Variants in AARSD1 observed in about 807,000 individuals in gnomAD.
AARSD1 encodes the protein alanyl-tRNA editing protein Aarsd1.
In AARSD1, 44 loss-of-function variants were observed where a neutral mutation model predicts 48.7. The observed-to-expected ratio is 0.90, with a 90% confidence interval of 0.71 to 1.16. The LOEUF is 1.16. Ranked by LOEUF, AARSD1 falls within the 50% of genes most tolerant of loss-of-function variation. AARSD1 has a pLI of 0.00. For missense variants in AARSD1, 511 were observed against 523.1 expected (o/e 0.98, Z 0.23); for synonymous variants, 189 against 194.9 (o/e 0.97, Z 0.25).
At chr17:42,958,602 G>A (rs953031879) in intron 3 of AARSD1, among the ~76,000 whole-genome samples, 2 of 149,172 alleles carry the variant, frequency 1.3e-5, no homozygotes, top group East Asian at 2.0e-4. Context: ...ATGGAGTATC[G>A]CTCTGTCACC....
At position 42,961,324 on chromosome 17, in the gene AARSD1, T is replaced by C. The variant is rs148513309; in HGVS notation, c.199A>G (p.Ile67Val). Residue 67 changes from isoleucine to valine, a missense_variant, in exon 3 of 12, where the codon ATC becomes GTC. By Grantham distance (29) the Ile-to-Val change is conservative (BLOSUM62 3). Coordinates refer to ENST00000427569, the MANE Select transcript of AARSD1 (RefSeq NM_001261434.2). The part of the protein sequence containing the change: ...QPDDRGTIND[I>V]SVLRVTRRGE... ...CGGCGAGTCACTCTCAGCACAGAGATGTCATTGATTGTACCACGGTCATCA... is the reference window on the plus strand; with the variant it reads ...CGGCGAGTCACTCTCAGCACAGAGACGTCATTGATTGTACCACGGTCATCA... 1.5e-5 allele frequency: 25 copies of C among 1,613,956 alleles called. No homozygotes were observed. Among genetic ancestry groups the C allele is most frequent in the South Asian group, 7.7e-5 (7 of 91,078 alleles).
chr17:42,955,403 C>T (rs567333214), intron 7 of AARSD1, 179 bp from the exon 8 acceptor site: 6 of 575,148 alleles, frequency 1.0e-5, no homozygotes, highest in South Asian at 6.4e-5. Context: ...AACCACTTTT[C>T]GTGGTTCTGA....
At chr17:42,956,902 C>T (rs1372515733) in intron 4 of AARSD1, among the ~76,000 whole-genome samples, 10 of 147,152 alleles carry the variant, frequency 6.8e-5, no homozygotes, top group Admixed American at 1.4e-4. Flanking sequence ...CTCCTGACCT[C>T]GTGATCCGCC....
Position 42,955,942 on chromosome 17 carries a change from T to C in AARSD1, c.694A>G (p.Lys232Glu). 2.5e-6 allele frequency: 4 copies of C among 1,614,100 alleles called. No homozygotes were observed. Among genetic ancestry groups the C allele is most frequent in the Non-Finnish European group, 3.4e-6 (4 of 1,180,026 alleles). Residue 232 changes from lysine to glutamate, a missense_variant, in exon 7 of 12, where the codon AAA becomes GAA. By Grantham distance (56) the Lys-to-Glu change is moderately conservative. Transcript: ENST00000427569. ...AATATCAGGTTGGTTCTGTTCTTTT[T>C]CCCCTTCTCAGTGCCCAGAATCTTA... ...VIKILGTEKG[K>E]KNRTNLIFLS...
chr17:42,958,160 C>A (rs1257646257), intron 3 of AARSD1, among the ~76,000 whole-genome samples: 3 of 152,058 alleles, frequency 2.0e-5, no homozygotes, highest in Non-Finnish European at 4.4e-5. Context: ...CTACAGGAAG[C>A]CTCTGAAGAG....
chr17:42,955,751 A>G, intron 7 of AARSD1, 91 bp downstream of exon 7: 1 of 1,578,486 alleles, frequency 6.3e-7, no homozygotes, highest in Admixed American at 1.7e-5. Flanking sequence ...GCACTTTATC[A>G]TTTACGATTG....
At chr17:42,963,422 G>GAAAGA (rs1172684895) in intron 2 of AARSD1, among the ~76,000 whole-genome samples, 2 of 150,872 alleles carry the variant, frequency 1.3e-5, no homozygotes, top group Non-Finnish European at 3.0e-5. Flanking sequence ...AAGAAAGAAA[G>GAAAGA]AAAGAAAAGA....
Position 42,964,411 on chromosome 17 carries a change from A to G in AARSD1, c.30T>C (p.Tyr10=), listed in dbSNP as rs2049685379. The change falls in exon 1 of 12, where the codon TAT becomes TAC. Residue 10 remains tyrosine, a synonymous_variant. Coordinates refer to ENST00000427569, the MANE Select transcript of AARSD1 (RefSeq NM_001261434.2). ...CGCCGTGACGCCGTACCTCTCGGGC[A>G]TAACTGTCACGCTGACACCAGAACG... MAFWCQRDS[Y]AREFTTTVVS... 2 of 1,551,306 alleles carry G rather than the reference A, an allele frequency of 1.3e-6. No homozygotes were observed. The highest frequency in any genetic ancestry group is 1.2e-5 in the South Asian group (1 of 84,332).
chr17:42,953,526 G>C (rs1252985078), intron 10 of AARSD1, among the ~76,000 whole-genome samples, 198 bp downstream of exon 10: 1 of 152,194 alleles, frequency 6.6e-6, no homozygotes, highest in African/African-American at 2.4e-5. Flanking sequence ...CCCAGAGAGA[G>C]CAATAACATA....
At chr17:42,953,685 C>T in intron 10 of AARSD1, 39 bp downstream of exon 10, 15 of 1,614,080 alleles carry the variant, frequency 9.3e-6, no homozygotes, top group Non-Finnish European at 1.2e-5. Context: ...CCCTAGGTCT[C>T]TATCCAGGCC....
chr17:42,961,259 A>G lies in AARSD1; in HGVS notation c.264T>C (p.Asp88=). Residue 88 remains aspartate, a synonymous_variant, in exon 3 of 12, where the codon GAT becomes GAC. Transcript: ENST00000427569. ...CCCGGACCAGAACCTGGCTTCCTGG[A>G]TCCAGGGGTGTCTGGGTGAAATGAT... ...QADHFTQTPL[D]PGSQVLVRVD... 6.2e-7 allele frequency: 1 copy of G among 1,614,132 alleles called. No individual in the cohort carries two copies. Among genetic ancestry groups the G allele is most frequent in the South Asian group, 1.1e-5 (1 of 91,072 alleles).
chr17:42,955,039 TCA>T, intron 8 of AARSD1, 72 bp from the exon 9 acceptor site: 1 of 1,610,692 alleles, frequency 6.2e-7, no homozygotes, highest in Non-Finnish European at 8.5e-7. Context: ...TCCCTCCACC[TCA>T]TTCTCCCCTC....
At chr17:42,953,208 G>C (rs1392203226) in intron 10 of AARSD1, among the ~76,000 whole-genome samples, 2 of 151,932 alleles carry the variant, frequency 1.3e-5, no homozygotes, top group Non-Finnish European at 2.9e-5. Context: ...TCGAACTCCT[G>C]AGCTGAGGCA....
At position 42,951,877 on chromosome 17, in the gene AARSD1, T is replaced by G; in HGVS notation, c.1026A>C (p.Leu342Phe). 1 of 1,614,086 alleles carries G rather than the reference T, an allele frequency of 6.2e-7. No individual in the cohort carries two copies. Among genetic ancestry groups the G allele is most frequent in the Non-Finnish European group, 8.5e-7 (1 of 1,180,002 alleles). Residue 342 changes from leucine (L) to phenylalanine (F), a missense_variant, in exon 11 of 12, where the codon TTA (leucine) becomes TTC (phenylalanine). Coordinates refer to ENST00000427569, the MANE Select transcript of AARSD1 (RefSeq NM_001261434.2). ...CACCACCTTTCTCATCGCCCACAGT[T>G]AAGAACAGGAGGGTCTCCTAGGAGG... ...EIGSEETLLFLTVGDEKGGGL... is the reference protein window; with the variant it reads ...EIGSEETLLFFTVGDEKGGGL...
At chr17:42,952,418 G>C (rs928551900) in intron 10 of AARSD1, among the ~76,000 whole-genome samples, 5 of 152,262 alleles carry the variant, frequency 3.3e-5, no homozygotes, top group Non-Finnish European at 7.3e-5. Flanking sequence ...AGCTTCTTGA[G>C]AATCAGTTCT....
chr17:42,955,778 G>A (rs972475001), intron 7 of AARSD1, 64 bp downstream of exon 7: 10 of 1,605,872 alleles, frequency 6.2e-6, no homozygotes, highest in Non-Finnish European at 6.8e-6. Context: ...ATCTCCCAGA[G>A]GTAAGAGATT....
rs141909920 is a variant in AARSD1, at chr17:42,952,883, G to A, written c.1008+841C>T. Among the ~76,000 whole-genome samples, 307 of 149,290 alleles carry A rather than the reference G, an allele frequency of 2.1e-3. 1 individual carries two copies. Among genetic ancestry groups the A allele is most frequent in the Middle Eastern group, 0.01 (3 of 286 alleles). ...GGCTGGAGTGCAGTGGCGCAATCTC[G>A]GCTCACTGCAACCTCAGCCTCCAGG... On this transcript the variant is annotated intron_variant, in intron 10 of 11. Transcript: ENST00000427569.
rs747316346 is a variant in AARSD1 at position 42,950,693 on chromosome 17, T to C, written c.1139A>G (p.Lys380Arg). The C allele has an allele frequency of 6.2e-7, 1 of 1,613,964 alleles. No individual in the cohort carries two copies. The part of the protein sequence containing the change: ...AEVLEGKGAG[K>R]KGRFQGKATK... ...GGCCTTGCCCTGAAAACGGCCTTTC[T>C]TCCCTGCTCCTTTGCCTTCCAGGAC... is the stretch of plus-strand genomic sequence containing the variant. The change falls in exon 12 of 12, where the codon AAG becomes AGG. Residue 380 changes from lysine (K) to arginine (R), a missense_variant. Lys to Arg is a conservative substitution (Grantham distance 26, BLOSUM62 2). Coordinates refer to ENST00000427569, the MANE Select transcript of AARSD1 (RefSeq NM_001261434.2).
chr17:42,961,172 TC>T lies in AARSD1; in HGVS notation c.331+19del, dbSNP rs780831379. ...ACATGGCAACTGCTCCGGTGTTATG[TC>T]CCCCATCCCAGCCTTTACCTGAATG... On this transcript the variant is annotated intron_variant, in intron 3 of 11. Coordinates refer to ENST00000427569, the MANE Select transcript of AARSD1 (RefSeq NM_001261434.2). 1 of 1,598,628 alleles carries T rather than the reference TC, an allele frequency of 6.3e-7. No homozygotes were observed. The highest frequency in any genetic ancestry group is 1.7e-5 in the Admixed American group (1 of 57,572).
Sources: allele counts gnomAD v4.1 joint callset (sites outside exome capture counted in the v4.1 genomes callset), GRCh38; gene constraint gnomAD v4.1.1; transcripts MANE v1.5; gene names NCBI Gene and HGNC (gene_info 2026-07-23, HGNC 2026-07-21).